Variants in COL5A2 observed in about 807,000 individuals in gnomAD.
The protein encoded by COL5A2 is collagen type V alpha 2 chain.
A neutral mutation model predicts 208.2 loss-of-function variants in COL5A2; 23 were observed. The ratio of observed to expected loss-of-function variants is 0.11; its 90% CI spans 0.08 to 0.16. The LOEUF is 0.16. COL5A2 is among the 10% of genes least tolerant of loss of function. COL5A2 has a pLI of 1.00. For synonymous variants in COL5A2, 625 were observed against 628.5 expected (o/e 0.99, Z 0.08); for missense variants, 1,590 against 1,956.4 (o/e 0.81, Z 3.53).
At chr2:189,182,363 G>A (rs1688792496), upstream of COL5A2, among the ~76,000 whole-genome samples, 1 of 152,082 alleles carries the variant, frequency 6.6e-6, no homozygotes, top group Non-Finnish European at 1.5e-5. Flanking sequence ...ATCATATATA[G>A]GCGATTACGG....
the COL5A2 span, among the ~76,000 whole-genome samples, chr2:189,320,599 G>C: frequency 1.3e-5 from 2 of 152,150 alleles, no homozygotes. Context: ...AATAAAGTGA[G>C]AAAAGAAGTT....
At chr2:189,320,700 T>C in the COL5A2 span, among the ~76,000 whole-genome samples, 186 of 152,340 alleles carry the variant, frequency 1.2e-3, no homozygotes, top group African/African-American at 4.1e-3. Context: ...TTGGTGTACC[T>C]GAAAGTGATG....
the COL5A2 span, among the ~76,000 whole-genome samples, chr2:189,375,179 G>C: frequency 2.7e-4 from 41 of 151,974 alleles, no homozygotes; most frequent in African/African-American, 9.9e-4. Context: ...ACAAAGCCTG[G>C]CTAATTTTTT....
the COL5A2 span, among the ~76,000 whole-genome samples, chr2:189,367,788 T>C: frequency 1.3e-5 from 2 of 152,226 alleles, no homozygotes; most frequent in African/African-American, 4.8e-5. Context: ...AAAGAATTCA[T>C]ATTGCCTGCC....
At chr2:189,036,206 C>T (rs1685440797) in intron 52 of COL5A2, among the ~76,000 whole-genome samples, 1 of 152,024 alleles carries the variant, frequency 6.6e-6, no homozygotes, top group Admixed American at 6.5e-5. Context: ...AGTTCAGAGA[C>T]TTTATAAGGC....
intron 37 of COL5A2, among the ~76,000 whole-genome samples, 162 bp downstream of exon 37, chr2:189,053,733 A>C (rs1685840226): frequency 2.0e-5 from 3 of 152,242 alleles, no homozygotes; most frequent in Non-Finnish European, 4.4e-5. Context: ...ATTGTATAGC[A>C]GATAATTTTT....
At chr2:189,405,612 C>A in the COL5A2 span, among the ~76,000 whole-genome samples, 1 of 152,184 alleles carries the variant, frequency 6.6e-6, no homozygotes, top group Admixed American at 6.5e-5. Context: ...TGCGTATTGG[C>A]CACTGGGGAA....
Position 189,033,942 on chromosome 2 carries a change from T to C in COL5A2, c.*128A>G, listed in dbSNP as rs890100987. The C allele has an allele frequency of 2.8e-5, 34 of 1,212,946 alleles. No homozygotes were observed. Among genetic ancestry groups the C allele is most frequent in the Admixed American group, 6.8e-5 (4 of 58,828 alleles). The allele number at this position is 1,212,946 out of a possible 1,614,324, so 75.1% of individuals were successfully genotyped here. A position where few individuals can be genotyped will look rare whatever the true frequency, so the allele number is the denominator to read the frequency against. On this transcript the variant is annotated 3_prime_UTR_variant, in exon 54 of 54. Transcript: ENST00000374866. ...AGGAGGCCAGGCACTTAAGACCATA[T>C]ATACAATGCTGATGCAGGATCAGCC...
intron 1 of COL5A2, among the ~76,000 whole-genome samples, chr2:189,196,320 G>A (rs558433848): frequency 6.7e-6 from 1 of 149,258 alleles, no homozygotes; most frequent in Non-Finnish European, 1.5e-5. Context: ...TATTCTGGCT[G>A]CATTTTCTTT....
intron 11 of COL5A2, among the ~76,000 whole-genome samples, 173 bp downstream of exon 11, chr2:189,084,987 G>A (rs549953014): frequency 6.6e-6 from 1 of 152,254 alleles, no homozygotes; most frequent in Non-Finnish European, 1.5e-5. Flanking sequence ...CAAATTAAGA[G>A]CCCTTTTAGA....
At chr2:189,092,599 C>T (rs1686812057) in intron 6 of COL5A2, among the ~76,000 whole-genome samples, 179 bp from the exon 7 acceptor site, 1 of 152,180 alleles carries the variant, frequency 6.6e-6, no homozygotes, top group Non-Finnish European at 1.5e-5. Context: ...TAGGTCTGAA[C>T]TTCTACCATT....
At chr2:189,375,515 T>A in the COL5A2 span, among the ~76,000 whole-genome samples, 1 of 152,200 alleles carries the variant, frequency 6.6e-6, no homozygotes, top group African/African-American at 2.4e-5. Context: ...ATGACAGTGT[T>A]TTGTCATAAA....
At position 189,064,625 on chromosome 2, in the gene COL5A2, A is replaced by T. The variant is rs753124770; in HGVS notation, c.1648T>A (p.Ser550Thr). Residue 550 changes from serine (S) to threonine (T), a missense_variant, in exon 25 of 54, where the codon TCT (serine) becomes ACT (threonine). Coordinates refer to ENST00000374866, the MANE Select transcript of COL5A2 (RefSeq NM_000393.5). ...CCCTGGCTTCCTTTGGGTCCTGAAG[A>T]ACCTACAGGACCCCGTTCTCCTTGA... ...GAQGERGPVG[S>T]SGPKGSQGDP... is the part of the protein sequence containing the mutation. 2 of 1,613,774 alleles carry T rather than the reference A, an allele frequency of 1.2e-6. No homozygotes were observed. The highest frequency in any genetic ancestry group is 2.2e-5 in the South Asian group (2 of 91,072).
chr2:189,045,161 C>T lies in COL5A2; in HGVS notation c.3363+18G>A. 1 of 1,578,972 alleles carries T rather than the reference C, an allele frequency of 6.3e-7. No individual in the cohort carries two copies. Among genetic ancestry groups the T allele is most frequent in the South Asian group, 1.2e-5 (1 of 84,942 alleles). The stretch of plus-strand genomic sequence containing the variant: ...ATATAAGAAAACATTTTTTAAAAAA[C>T]AAAAAAAGAGAACTTACAGGTAATC... On this transcript the variant is annotated intron_variant, in intron 47 of 53. Coordinates refer to ENST00000374866, the MANE Select transcript of COL5A2 (RefSeq NM_000393.5).
intron 1 of COL5A2, among the ~76,000 whole-genome samples, chr2:189,219,361 G>GT (rs1313389824): frequency 6.6e-6 from 1 of 152,028 alleles, no homozygotes; most frequent in Non-Finnish European, 1.5e-5. Flanking sequence ...TATTTGTCAG[G>GT]TTTTTACGTT....
intron 1 of COL5A2, among the ~76,000 whole-genome samples, chr2:189,124,432 T>C (rs1559114884): frequency 6.6e-6 from 1 of 152,160 alleles, no homozygotes; most frequent in Non-Finnish European, 1.5e-5. Flanking sequence ...TTTAGTTCTG[T>C]TTAGATTAGT....
the COL5A2 span, among the ~76,000 whole-genome samples, chr2:189,398,079 A>G: frequency 6.6e-6 from 1 of 152,134 alleles, no homozygotes; most frequent in Non-Finnish European, 1.5e-5. Context: ...CTCAATTTCC[A>G]ATCACTTAGA....
At chr2:189,231,233 A>C in the COL5A2 span, among the ~76,000 whole-genome samples, 1 of 150,412 alleles carries the variant, frequency 6.6e-6, no homozygotes, top group Non-Finnish European at 1.5e-5. Flanking sequence ...AAGATGAAAA[A>C]CTTCTTAGAA....
At chr2:189,215,690 T>C (rs993778073) in intron 1 of COL5A2, among the ~76,000 whole-genome samples, 2 of 152,158 alleles carry the variant, frequency 1.3e-5, no homozygotes, top group Non-Finnish European at 2.9e-5. Context: ...GTTAAATTCA[T>C]ATCTATTTAA....
Sources: allele counts gnomAD v4.1 joint callset (sites outside exome capture counted in the v4.1 genomes callset), GRCh38; gene constraint gnomAD v4.1.1; transcripts MANE v1.5; gene names NCBI Gene and HGNC (gene_info 2026-07-23, HGNC 2026-07-21).